ZC3H13: variants seen among roughly 807,000 people sequenced by gnomAD.
ZC3H13 encodes zinc finger CCCH-type containing 13.
A neutral mutation model predicts 204.1 loss-of-function variants in ZC3H13; 64 were observed. That is an observed-to-expected ratio of 0.31 (90% CI 0.26 to 0.39). The LOEUF is 0.39. Ranked by LOEUF, ZC3H13 falls within the 10% of genes least tolerant of loss-of-function variation. The pLI is 1.00. For synonymous variants in ZC3H13, 667 were observed against 693.7 expected, an observed-to-expected ratio of 0.96 and a Z score of 0.60; for missense variants, 1,833 against 2,082.7, an observed-to-expected ratio of 0.88 and a Z score of 2.33.
chr13:45,973,275 A>G, intron 12 of ZC3H13, among the ~76,000 whole-genome samples: 1 of 152,220 alleles, frequency 6.6e-6, no homozygotes, highest in East Asian at 1.9e-4. Flanking sequence ...GTTCTACATA[A>G]GAGCAGTTAA....
chr13:45,968,977 G>A lies in ZC3H13; in HGVS notation c.3567C>T (p.Ser1189=), dbSNP rs1952330283. The A allele has an allele frequency of 6.2e-7, 1 of 1,614,242 alleles. No homozygotes were observed. The highest frequency in any genetic ancestry group is 2.2e-5 in the East Asian group (1 of 44,896). ...QHRKPMDQKR[S]SSLGSNRSNR... is the part of the protein sequence containing the mutation. ...TACTCCGATTGCTCCCGAGGCTGCT[G>A]CTCCTCTTTTGATCCATAGGCTTGC... Residue 1189 remains serine, a synonymous_variant, in exon 14 of 19, where the codon AGC becomes AGT. Coordinates refer to ENST00000679008, the MANE Select transcript of ZC3H13 (RefSeq NM_001330564.2).
chr13:46,018,251 G>A (rs931934281), intron 5 of ZC3H13, among the ~76,000 whole-genome samples: 1 of 152,158 alleles, frequency 6.6e-6, no homozygotes, highest in Admixed American at 6.5e-5. Context: ...GAGGTCATTA[G>A]TGACTTTGAA....
At chr13:45,975,978 ACT>A in intron 11 of ZC3H13, 140 bp from the exon 12 acceptor site, 1 of 1,372,036 alleles carries the variant, frequency 7.3e-7, no homozygotes, top group African/African-American at 1.5e-5. Flanking sequence ...TTTAATTTTA[ACT>A]TAATATCCAA....
chr13:45,962,866 A>T (rs773554826), intron 17 of ZC3H13: 402 of 985,392 alleles, frequency 4.1e-4, no homozygotes, highest in Non-Finnish European at 4.7e-4. Context: ...ATAAAGTATT[A>T]GTAAGTTGCA....
chr13:45,975,106 A>G (rs1306963541), intron 12 of ZC3H13, among the ~76,000 whole-genome samples, 177 bp downstream of exon 12: 1 of 152,114 alleles, frequency 6.6e-6, no homozygotes, highest in Non-Finnish European at 1.5e-5. Context: ...TCGGCCTCCC[A>G]AAGTGCTGGG....
At chr13:46,011,580 T>C in intron 5 of ZC3H13, 26 bp from the exon 6 acceptor site, 1 of 1,524,778 alleles carries the variant, frequency 6.6e-7, no homozygotes, top group Non-Finnish European at 8.8e-7. Context: ...GCATTACTGT[T>C]AGAAACTAGC....
At chr13:45,993,723 A>C (rs1432668309) in intron 8 of ZC3H13, among the ~76,000 whole-genome samples, 1 of 152,208 alleles carries the variant, frequency 6.6e-6, no homozygotes, top group East Asian at 1.9e-4. Flanking sequence ...TTTTACACCT[A>C]GTAGCTTGCT....
intron 4 of ZC3H13, among the ~76,000 whole-genome samples, chr13:46,028,201 C>T (rs536942875): frequency 4.6e-5 from 7 of 152,194 alleles, no homozygotes; most frequent in African/African-American, 1.7e-4. Context: ...ACAGAGTAGA[C>T]TCTAGAGCAA....
intron 12 of ZC3H13, among the ~76,000 whole-genome samples, chr13:45,971,153 T>A (rs781638440): frequency 3.3e-5 from 5 of 152,222 alleles, no homozygotes; most frequent in Non-Finnish European, 7.3e-5. Context: ...AAATAATTCA[T>A]ACGTTCATTA....
rs866318626 is a variant in ZC3H13, at chr13:45,975,729, T to A, written c.2022A>T (p.Glu674Asp). The A allele has an allele frequency of 4.3e-6, 7 of 1,613,868 alleles. 1 individual carries two copies. The Middle Eastern group carries it at 1.2e-3, about 266-fold the overall frequency. Residue 674 changes from glutamate to aspartate, a missense_variant, in exon 12 of 19, where the codon GAA becomes GAT. This residue lies in a region of ZC3H13 where 1,574 missense variants were observed against 1,757.2 expected (regional missense o/e 0.90). Transcript: ENST00000679008. ...GTTCCCGATCTCTCTCTCTAGCCCT[T>A]TCATCTCTCCTATCATCCACTCTGT... ...RVDRVDDRRD[E>D]RARERDRERE...
At chr13:46,009,024 G>T (rs1269311105) in intron 7 of ZC3H13, among the ~76,000 whole-genome samples, 1 of 152,078 alleles carries the variant, frequency 6.6e-6, no homozygotes, top group Admixed American at 6.6e-5. Flanking sequence ...TTTAATAAAG[G>T]TTATAAAACA....
At chr13:45,975,921 T>C in intron 11 of ZC3H13, 83 bp from the exon 12 acceptor site, 2 of 1,375,574 alleles carry the variant, frequency 1.5e-6, no homozygotes, top group South Asian at 1.4e-5. Flanking sequence ...TTAAATTTTA[T>C]CTGTGATAGG....
chr13:46,052,191 T>C (rs1383769935), intron 1 of ZC3H13, among the ~76,000 whole-genome samples: 1 of 152,038 alleles, frequency 6.6e-6, no homozygotes, highest in African/African-American at 2.4e-5. Flanking sequence ...CTGAGTCTAC[T>C]TATCGCCCTT....
chr13:46,030,249 C>T (rs1362643796), intron 4 of ZC3H13, among the ~76,000 whole-genome samples: 5 of 152,166 alleles, frequency 3.3e-5, no homozygotes, highest in Non-Finnish European at 7.4e-5. Flanking sequence ...AGATCATCTA[C>T]AAAAAACCCT....
At position 45,979,787 on chromosome 13, in the gene ZC3H13, ATTTAATAAAATTCTGT is replaced by A; in HGVS notation, c.1912+10_1912+25del. The stretch of plus-strand genomic sequence containing the variant: ...ATTCGCCCAATTGATATTGTTCACT[ATTTAATAAAATTCTGT>A]TTGACAAACCTCTCTCTCTGTTGTC... On this transcript the variant is annotated intron_variant, in intron 11 of 18. Coordinates refer to ENST00000679008, the MANE Select transcript of ZC3H13 (RefSeq NM_001330564.2). 1 of 1,537,520 alleles carries A rather than the reference ATTTAATAAAATTCTGT, an allele frequency of 6.5e-7. No homozygotes were observed. Among genetic ancestry groups the A allele is most frequent in the Non-Finnish European group, 8.7e-7 (1 of 1,148,032 alleles).
chr13:46,044,783 TATTAATCTTGAAA>T (rs1040535554), intron 3 of ZC3H13, among the ~76,000 whole-genome samples, 159 bp downstream of exon 3: 4 of 152,172 alleles, frequency 2.6e-5, no homozygotes, highest in African/African-American at 4.8e-5. Context: ...GCAAACATTT[TATTAATCTTGAAA>T]ATAACAAAAA....
chr13:46,031,009 C>T (rs1012346032), intron 4 of ZC3H13, among the ~76,000 whole-genome samples: 1 of 152,022 alleles, frequency 6.6e-6, no homozygotes, highest in Admixed American at 6.5e-5. Flanking sequence ...GAGATTGACA[C>T]TACCTGACTT....
intron 1 of ZC3H13, among the ~76,000 whole-genome samples, chr13:46,051,293 CATT>C (rs1348214474): frequency 6.6e-6 from 1 of 152,134 alleles, no homozygotes; most frequent in East Asian, 1.9e-4. Context: ...AAGAGGCATA[CATT>C]TGATAAAACT....
chr13:45,968,050 T>C lies in ZC3H13; in HGVS notation c.3797-22A>G, dbSNP rs781117569. The C allele has an allele frequency of 3.9e-6, 6 of 1,540,894 alleles. No homozygotes were observed. In the South Asian group the frequency reaches 7.9e-5, roughly 20 times the overall value. On this transcript the variant is annotated intron_variant, in intron 14 of 18. Transcript: ENST00000679008. ...CGATCTAAAATAAATATACCATATA[T>C]AAAGAGTTATTAGCACATGATAAAA... is the stretch of plus-strand genomic sequence containing the variant.
Sources: gnomAD v4.1 joint callset for allele counts (sites outside exome capture counted in the v4.1 genomes callset) on GRCh38, gnomAD v4.1.1 for gene constraint, gnomAD v4.1.1 regional missense constraint, MANE v1.5 for transcripts, NCBI Gene and HGNC (gene_info 2026-07-23, HGNC 2026-07-21) for gene names.